Variants in CRYL1 observed in about 807,000 individuals in gnomAD.
The protein encoded by CRYL1 is lambda-crystallin homolog.
A neutral mutation model predicts 36.6 loss-of-function variants in CRYL1; 29 were observed. The observed-to-expected ratio is 0.79, with a 90% CI of 0.59 to 1.08. The LOEUF (loss-of-function observed/expected upper bound fraction) is 1.08. Among genes scored for constraint, CRYL1 ranks in the 50% least tolerant of loss-of-function variants. The probability of loss-of-function intolerance (pLI) is 0.00; values close to 1 mark genes in which losing one functional copy is unlikely to be tolerated. For missense variants in CRYL1, 411 were observed against 407.9 expected, an observed-to-expected ratio of 1.01 and a Z score of -0.06; for synonymous variants, 152 against 151.5, an observed-to-expected ratio of 1.00 and a Z score of -0.02.
Position 20,415,527 on chromosome 13 carries a change from C to G in CRYL1, c.634-2140G>C, listed in dbSNP as rs923016764. 6.6e-6 allele frequency among the ~76,000 whole-genome samples: 1 copy of G among 152,182 alleles called. No homozygotes were observed. Among genetic ancestry groups the G allele is most frequent in the African/African-American group, 2.4e-5 (1 of 41,456 alleles). On this transcript the variant is annotated intron_variant, in intron 5 of 7. Transcript: ENST00000298248. The surrounding 1 kb of genome is among the most constrained non-coding windows in gnomAD (Gnocchi z 4.1). Reference sequence around the variant, plus strand: ...AGGACGGCCACAGCCACGCCACCACCGGCGAGGGCGAGGGCCAGGGCCACT... The same window carrying G: ...AGGACGGCCACAGCCACGCCACCACGGGCGAGGGCGAGGGCCAGGGCCACT...
intron 2 of CRYL1, among the ~76,000 whole-genome samples, chr13:20,509,308 C>A (rs1339771430): frequency 8.4e-6 from 1 of 118,892 alleles, no homozygotes; most frequent in Admixed American, 8.3e-5. Context: ...TTTTTTTTTT[C>A]TTTCTCCTGA....
Position 20,436,785 on chromosome 13 carries a change from C to T in CRYL1, c.438+2808G>A, listed in dbSNP as rs183747664. 6.6e-5 allele frequency among the ~76,000 whole-genome samples: 10 copies of T among 152,244 alleles called. No individual in the cohort carries two copies. The East Asian group carries it at 7.7e-4, about 12-fold the overall frequency. ...AATTTGCTGAATATCCACTTTGGCACGGCATGAACAAGCCTCCTTTTTCTT... is the reference window on the plus strand; with the variant it reads ...AATTTGCTGAATATCCACTTTGGCATGGCATGAACAAGCCTCCTTTTTCTT... On this transcript the variant is annotated intron_variant, in intron 4 of 7. Transcript: ENST00000298248.
chr13:20,460,595 G>C (rs7998183), intron 3 of CRYL1, among the ~76,000 whole-genome samples: 53,856 of 136,850 alleles, frequency 0.39, 10,391 homozygotes, highest in South Asian at 0.56. Flanking sequence ...GCGCTATCTC[G>C]GCTCACTGCA....
At chr13:20,421,670 C>CAAGAAG (rs536180302) in intron 5 of CRYL1, among the ~76,000 whole-genome samples, 270 of 152,308 alleles carry the variant, frequency 1.8e-3, no homozygotes, top group African/African-American at 6.0e-3. Context: ...ACCCTTACCC[C>CAAGAAG]TGGCCTGTTA....
chr13:20,500,024 G>A lies in CRYL1; in HGVS notation c.150-10528C>T, dbSNP rs188683841. 9.3e-4 allele frequency among the ~76,000 whole-genome samples: 141 copies of A among 152,256 alleles called. 1 individual carries two copies. The South Asian group carries it at 0.015, about 16-fold the overall frequency. The stretch of plus-strand genomic sequence containing the variant: ...TTGAATACAAGTTTCTGATAACTTC[G>A]GAGATTGTGCCATTGGATGTGAGAG... On this transcript the variant is annotated intron_variant, in intron 2 of 7. Coordinates refer to ENST00000298248, the MANE Select transcript of CRYL1 (RefSeq NM_015974.3).
chr13:20,459,166 G>A (rs1196206816), intron 3 of CRYL1, among the ~76,000 whole-genome samples: 1 of 151,148 alleles, frequency 6.6e-6, no homozygotes, highest in African/African-American at 2.4e-5. Context: ...ATCCCGGGAG[G>A]CGGAGCTTGC....
chr13:20,472,062 T>C (rs2033073333), intron 3 of CRYL1, among the ~76,000 whole-genome samples: 2 of 152,186 alleles, frequency 1.3e-5, no homozygotes, highest in Admixed American at 6.5e-5. Flanking sequence ...GGTTTCGCCA[T>C]ATTGACCAGG....
At chr13:20,439,027 G>C (rs960804391) in intron 4 of CRYL1, among the ~76,000 whole-genome samples, 1 of 149,942 alleles carries the variant, frequency 6.7e-6, no homozygotes, top group Non-Finnish European at 1.5e-5. Flanking sequence ...TACAATGAGT[G>C]AGTGGAAGGG....
At chr13:20,421,256 C>T (rs891271046) in intron 5 of CRYL1, among the ~76,000 whole-genome samples, 2 of 152,076 alleles carry the variant, frequency 1.3e-5, no homozygotes, top group Non-Finnish European at 2.9e-5. Context: ...TCGACTTTTA[C>T]AACAAATACA....
chr13:20,422,084 C>T (rs149995894), intron 5 of CRYL1, among the ~76,000 whole-genome samples: 3,329 of 152,108 alleles, frequency 0.022, 61 homozygotes, highest in Non-Finnish European at 0.028. Context: ...TAAGGCCAGG[C>T]GCGGTGGCTC....
chr13:20,486,050 T>C (rs1480746836), intron 3 of CRYL1, among the ~76,000 whole-genome samples: 2 of 151,448 alleles, frequency 1.3e-5, no homozygotes, highest in African/African-American at 4.9e-5. Context: ...TCCCAAGTAG[T>C]TGGGACCACA....
At chr13:20,420,682 C>T (rs1186075883) in intron 5 of CRYL1, among the ~76,000 whole-genome samples, 6 of 103,140 alleles carry the variant, frequency 5.8e-5, no homozygotes, top group Non-Finnish European at 8.4e-5. Flanking sequence ...TTCCCTTTGA[C>T]TTTTCTTTAA....
intron 3 of CRYL1, among the ~76,000 whole-genome samples, chr13:20,467,040 C>T (rs886511817): frequency 2.0e-5 from 3 of 151,998 alleles, no homozygotes; most frequent in East Asian, 3.9e-4. Context: ...CTCTGCCTCC[C>T]GCGTTCACAC....
chr13:20,404,793 G>A (rs773807408), intron 6 of CRYL1, 52 bp from the exon 7 acceptor site: 2 of 1,276,126 alleles, frequency 1.6e-6, no homozygotes, highest in East Asian at 2.3e-5. Context: ...AACATTCTTA[G>A]TTATATTCAA....
intron 5 of CRYL1, chr13:20,426,914 C>T (rs1351574767): frequency 1.3e-5 from 13 of 985,462 alleles, no homozygotes; most frequent in Non-Finnish European, 1.6e-5. Flanking sequence ...CAGTCCAGCA[C>T]AGGGATGACA....
At chr13:20,459,235 CAAAAA>C (rs61255031) in intron 3 of CRYL1, among the ~76,000 whole-genome samples, 35 of 78,440 alleles carry the variant, frequency 4.5e-4, no homozygotes, top group South Asian at 1.0e-3. Flanking sequence ...GACTCCATCT[CAAAAA>C]AAAAAAAAAA....
rs1555227696 is a variant in CRYL1 at position 20,439,761 on chromosome 13, A to G, written c.277-7T>C. On this transcript the variant is annotated splice_polypyrimidine_tract_variant and splice_region_variant and intron_variant, in intron 3 of 7. Transcript: ENST00000298248. ...GATCTTCTGGAACACATTCCTGAAAAGGACACGTTTAAATGACTATTCATG... is the reference window on the plus strand; with the variant it reads ...GATCTTCTGGAACACATTCCTGAAAGGGACACGTTTAAATGACTATTCATG... 2.5e-6 allele frequency: 4 copies of G among 1,613,890 alleles called. No homozygotes were observed. Among genetic ancestry groups the G allele is most frequent in the South Asian group, 2.2e-5 (2 of 91,064 alleles).
intron 3 of CRYL1, among the ~76,000 whole-genome samples, chr13:20,448,768 T>C (rs36075832): frequency 0.046 from 6,983 of 152,296 alleles, 338 homozygotes; most frequent in Admixed American, 0.16. Context: ...AAACAACTTA[T>C]GGAATTCATT....
chr13:20,447,019 G>A (rs1209826441), intron 3 of CRYL1, among the ~76,000 whole-genome samples: 66 of 152,196 alleles, frequency 4.3e-4, no homozygotes, highest in Non-Finnish European at 1.5e-5. Flanking sequence ...CAGCTGAAAT[G>A]TTCTAGTCCA....
Sources: allele counts gnomAD v4.1 joint callset (sites outside exome capture counted in the v4.1 genomes callset), GRCh38; gene constraint gnomAD v4.1.1; non-coding constraint Gnocchi (gnomAD v3.1); transcripts MANE v1.5; gene names NCBI Gene and HGNC (gene_info 2026-07-23, HGNC 2026-07-21).